Variants in CPQ observed in about 807,000 individuals in gnomAD.
The protein encoded by CPQ is Ser-Met dipeptidase.
Under a neutral mutation model 45.7 loss-of-function variants are expected in CPQ, and 37 were observed. The ratio of observed to expected loss-of-function variants is 0.81; its 90% CI spans 0.62 to 1.07. The LOEUF (loss-of-function observed/expected upper bound fraction) is 1.07, where lower values mean the gene tolerates loss of function less well. Ranked by LOEUF, CPQ falls within the 50% of genes least tolerant of loss-of-function variation. CPQ has a pLI of 0.00. For missense variants in CPQ, 537 were observed against 572.9 expected (o/e 0.94, Z 0.64); for synonymous variants, 186 against 205.8 (o/e 0.90, Z 0.82).
intron 1 of CPQ, among the ~76,000 whole-genome samples, chr8:96,672,634 T>C (rs1350590895): frequency 6.6e-6 from 1 of 151,786 alleles, no homozygotes; most frequent in Non-Finnish European, 1.5e-5. Context: ...AAAAATTAGC[T>C]GGGCTTGGTG....
intron 1 of CPQ, among the ~76,000 whole-genome samples, chr8:96,728,497 C>G (rs1809871901): frequency 6.6e-6 from 1 of 152,034 alleles, no homozygotes; most frequent in Non-Finnish European, 1.5e-5. Flanking sequence ...CTTTGACTTT[C>G]CCCCGTCTTA....
chr8:96,694,822 C>T (rs77518412), intron 1 of CPQ, among the ~76,000 whole-genome samples: 24,665 of 152,026 alleles, frequency 0.16, 2,764 homozygotes, highest in Non-Finnish European at 0.25. Context: ...AGAGGAAAAA[C>T]TTCAAATAAA....
chr8:96,886,502 T>C (rs1812308651), intron 4 of CPQ, among the ~76,000 whole-genome samples: 2 of 152,220 alleles, frequency 1.3e-5, no homozygotes, highest in South Asian at 4.1e-4. Flanking sequence ...TATTTTTTGT[T>C]AACTCTATAG....
rs945335873 is a variant in CPQ, at chr8:96,741,437, G to A, written c.-34-43427G>A. Among the ~76,000 whole-genome samples, 212 of 151,956 alleles carry A rather than the reference G, an allele frequency of 1.4e-3. 4 individuals carry two copies. Among genetic ancestry groups the A allele is most frequent in the Admixed American group, 0.011 (164 of 15,234 alleles). ...TTTCAAAAAACTAGCTCCCGGATTC[G>A]TTAATTTTTTGAAGGGTTTTTTGTG... On this transcript the variant is annotated intron_variant, in intron 1 of 7. Transcript: ENST00000220763.
At chr8:97,015,841 AG>A (rs1809569684) in intron 5 of CPQ, among the ~76,000 whole-genome samples, 1 of 152,186 alleles carries the variant, frequency 6.6e-6, no homozygotes, top group Admixed American at 6.5e-5. Context: ...GATTATAATA[AG>A]GACCATATGT....
chr8:97,123,081 T>A (rs1172238317), intron 7 of CPQ, among the ~76,000 whole-genome samples: 254 of 22,644 alleles, frequency 0.011, 14 homozygotes, highest in Non-Finnish European at 0.021. Context: ...TAAAATAAAA[T>A]AAATAAAATA....
intron 7 of CPQ, among the ~76,000 whole-genome samples, chr8:97,071,259 T>C (rs190013398): frequency 6.6e-6 from 1 of 152,294 alleles, no homozygotes; most frequent in African/African-American, 2.4e-5. Flanking sequence ...TAAGCATCCT[T>C]ATTAATCAAC....
chr8:97,123,937 ATAATC>A (rs1486197865), intron 7 of CPQ, among the ~76,000 whole-genome samples: 2 of 152,166 alleles, frequency 1.3e-5, no homozygotes, highest in Non-Finnish European at 2.9e-5. Context: ...TAATGGTAAA[ATAATC>A]TATTCATCAA....
chr8:96,913,004 T>G (rs1378410193), intron 4 of CPQ, among the ~76,000 whole-genome samples: 1 of 152,186 alleles, frequency 6.6e-6, no homozygotes, highest in Non-Finnish European at 1.5e-5. Flanking sequence ...CTCTTTCTCC[T>G]GCTCCTCTCC....
chr8:96,951,086 T>C (rs977071441), intron 4 of CPQ, among the ~76,000 whole-genome samples: 1 of 152,130 alleles, frequency 6.6e-6, no homozygotes, highest in African/African-American at 2.4e-5. Context: ...ATAATGCTTC[T>C]TTGACAGACC....
chr8:97,069,786 T>G (rs764576825), intron 7 of CPQ, among the ~76,000 whole-genome samples: 5 of 152,168 alleles, frequency 3.3e-5, no homozygotes, highest in Non-Finnish European at 5.9e-5. Flanking sequence ...CCCTACCATG[T>G]TCTAGGCCTA....
chr8:97,051,144 T>C (rs1810354091), intron 6 of CPQ, among the ~76,000 whole-genome samples: 1 of 152,142 alleles, frequency 6.6e-6, no homozygotes, highest in Non-Finnish European at 1.5e-5. Flanking sequence ...TCACCATTAC[T>C]ACCTTACTAA....
At chr8:96,742,625 T>G (rs1265492910) in intron 1 of CPQ, among the ~76,000 whole-genome samples, 2 of 152,188 alleles carry the variant, frequency 1.3e-5, no homozygotes, top group Admixed American at 6.6e-5. Context: ...GGTTGTTCCT[T>G]TCCATATTTA....
At chr8:96,966,730 T>C (rs1813571504) in intron 5 of CPQ, among the ~76,000 whole-genome samples, 1 of 152,220 alleles carries the variant, frequency 6.6e-6, no homozygotes, top group Non-Finnish European at 1.5e-5. Flanking sequence ...CTAGGTAACC[T>C]GAATACAGGG....
chr8:97,095,570 C>G (rs1811198017), intron 7 of CPQ, among the ~76,000 whole-genome samples: 1 of 152,150 alleles, frequency 6.6e-6, no homozygotes, highest in Non-Finnish European at 1.5e-5. Context: ...ATATAAAGGC[C>G]TACATGACTT....
chr8:96,932,161 G>C (rs1178307569), intron 4 of CPQ, among the ~76,000 whole-genome samples: 1 of 151,502 alleles, frequency 6.6e-6, no homozygotes, highest in East Asian at 1.9e-4. Context: ...GTTTTCATCA[G>C]ATAACTTGGG....
chr8:96,765,776 G>A (rs575865125), intron 1 of CPQ, among the ~76,000 whole-genome samples: 11 of 152,236 alleles, frequency 7.2e-5, no homozygotes, highest in African/African-American at 2.4e-4. Flanking sequence ...ATGGAACAGC[G>A]GATTCTTAAT....
rs113096463 is a variant in CPQ at position 96,801,132 on chromosome 8, C to T, written c.433+15802C>T. On this transcript the variant is annotated intron_variant, in intron 2 of 7. Coordinates refer to ENST00000220763, the MANE Select transcript of CPQ (RefSeq NM_016134.4). ...CTGGGATTACAGGCGTACACCACAA[C>T]GCCCAGCTATTTTTTGTATTTTTTG... 9.5e-3 allele frequency among the ~76,000 whole-genome samples: 1,442 copies of T among 152,090 alleles called. 21 individuals carry two copies. The highest frequency in any genetic ancestry group is 0.028 in the African/African-American group (1,150 of 41,482).
At chr8:97,030,629 T>C (rs1437661728) in intron 6 of CPQ, among the ~76,000 whole-genome samples, 2 of 152,202 alleles carry the variant, frequency 1.3e-5, no homozygotes, top group Non-Finnish European at 2.9e-5. Flanking sequence ...CACAACATCA[T>C]ATAAGGGTTG....
Sources: allele counts gnomAD v4.1 joint callset (sites outside exome capture counted in the v4.1 genomes callset), GRCh38; gene constraint gnomAD v4.1.1; transcripts MANE v1.5; gene names NCBI Gene and HGNC (gene_info 2026-07-23, HGNC 2026-07-21).